PCDH15: variants seen among roughly 807,000 people sequenced by gnomAD.
PCDH15 encodes the protein protocadherin-15.
Under a neutral mutation model 178.5 loss-of-function variants are expected in PCDH15, and 129 were observed. That is an observed-to-expected ratio of 0.72 (90% CI 0.63 to 0.84). PCDH15 has a LOEUF of 0.84. PCDH15 is among the 40% of genes least tolerant of loss of function. The pLI is 0.00. For synonymous variants in PCDH15, 800 were observed against 732.0 expected (o/e 1.09, Z -1.50); for missense variants, 2,230 against 2,099.9 (o/e 1.06, Z -1.21).
intron 2 of PCDH15, among the ~76,000 whole-genome samples, chr10:54,644,312 A>T (rs2094070255): frequency 6.7e-6 from 1 of 149,142 alleles, no homozygotes; most frequent in Non-Finnish European, 1.5e-5. Flanking sequence ...CTGAAACCCA[A>T]ATGTCCTACA....
intron 26 of PCDH15, among the ~76,000 whole-genome samples, chr10:53,888,311 T>TATATATACGTATATATATGTACGTAC (rs1564690988): frequency 4.8e-5 from 2 of 41,828 alleles, no homozygotes; most frequent in African/African-American, 2.0e-4. Flanking sequence ...TATATATATG[T>TATATATACGTATATATATGTACGTAC]ATATATGTAC....
chr10:55,101,288 G>T (rs1463642275), intron 2 of PCDH15, among the ~76,000 whole-genome samples: 1 of 151,952 alleles, frequency 6.6e-6, no homozygotes, highest in Admixed American at 6.6e-5. Context: ...AGGCTGAAGT[G>T]GCAGAATCGC....
intron 25 of PCDH15, among the ~76,000 whole-genome samples, chr10:53,919,926 G>T (rs534975790): frequency 2.6e-4 from 39 of 152,128 alleles, no homozygotes; most frequent in East Asian, 1.7e-3. Flanking sequence ...GCTAGAATGG[G>T]GACAGGGAAA....
At chr10:55,163,127 C>A (rs1296804377) in intron 2 of PCDH15, among the ~76,000 whole-genome samples, 3 of 152,082 alleles carry the variant, frequency 2.0e-5, no homozygotes, top group Non-Finnish European at 4.4e-5. Flanking sequence ...CCTCTGCCTG[C>A]CAAACTGTCC....
At chr10:54,355,724 A>T (rs1033463419) in intron 5 of PCDH15, among the ~76,000 whole-genome samples, 2 of 152,100 alleles carry the variant, frequency 1.3e-5, no homozygotes, top group African/African-American at 4.8e-5. Flanking sequence ...GCATTTTAGG[A>T]AACTCTTCTT....
chr10:54,530,891 G>A (rs1245840822), intron 2 of PCDH15, among the ~76,000 whole-genome samples: 4 of 152,148 alleles, frequency 2.6e-5, no homozygotes, highest in African/African-American at 9.7e-5. Flanking sequence ...CAAAGTGTTT[G>A]TTTTTAAACG....
chr10:55,442,455 T>TTATATA (rs5785131), intron 2 of PCDH15, among the ~76,000 whole-genome samples: 1,245 of 121,096 alleles, frequency 0.01, 26 homozygotes, highest in East Asian at 0.031. Context: ...CTTAATTTGA[T>TTATATA]TATATATATA....
At chr10:55,311,868 A>G in intron 1 of PCDH15, among the ~76,000 whole-genome samples, 1 of 152,244 alleles carries the variant, frequency 6.6e-6, no homozygotes, top group East Asian at 1.9e-4. Context: ...GTTGTTTCTT[A>G]AAATTTTGAT....
chr10:54,408,911 A>G (rs2135588797), intron 3 of PCDH15, among the ~76,000 whole-genome samples: 1 of 152,236 alleles, frequency 6.6e-6, no homozygotes, highest in South Asian at 2.1e-4. Context: ...CCTAGGTGAT[A>G]TGGCTTGGCT....
rs377513495 is a variant in PCDH15 at position 54,169,896 on chromosome 10, C to T, written c.1590+13548G>A. ...GCCTTACAAGTTAGTTCAGAATCTG[C>T]GCCTTATCAACCAAATTGTTTTGCC... On this transcript the variant is annotated intron_variant, in intron 13 of 37. Coordinates refer to ENST00000644397, the MANE Select transcript of PCDH15 (RefSeq NM_001384140.1). 7.3e-5 allele frequency among the ~76,000 whole-genome samples: 11 copies of T among 151,212 alleles called. No individual in the cohort carries two copies. In the East Asian group the frequency reaches 1.4e-3, roughly 19 times the overall value.
At chr10:55,348,125 T>C (rs1844812492) in intron 2 of PCDH15, among the ~76,000 whole-genome samples, 1 of 152,146 alleles carries the variant, frequency 6.6e-6, no homozygotes, top group Non-Finnish European at 1.5e-5. Flanking sequence ...TAGTTATATA[T>C]CTGCCTCTGT....
intron 8 of PCDH15, among the ~76,000 whole-genome samples, chr10:54,254,159 A>T (rs1298211746): frequency 6.6e-6 from 1 of 152,264 alleles, no homozygotes; most frequent in East Asian, 1.9e-4. Flanking sequence ...AAATTGAATA[A>T]AGAATAATAA....
chr10:54,578,864 A>C (rs2090766096), intron 2 of PCDH15, among the ~76,000 whole-genome samples: 1 of 152,166 alleles, frequency 6.6e-6, no homozygotes, highest in Non-Finnish European at 1.5e-5. Context: ...CTCTAAAAGA[A>C]CTTAAACTAA....
chr10:55,084,588 G>A (rs10825460), intron 2 of PCDH15, among the ~76,000 whole-genome samples: 34,608 of 151,600 alleles, frequency 0.23, 4,456 homozygotes, highest in African/African-American at 0.33. Context: ...ACCACATTAA[G>A]TTAAAAAGCT....
At chr10:55,436,186 G>A (rs917552022) in intron 2 of PCDH15, among the ~76,000 whole-genome samples, 1 of 152,026 alleles carries the variant, frequency 6.6e-6, no homozygotes, top group African/African-American at 2.4e-5. Context: ...AGGGAGGACT[G>A]AGCCTTGCAA....
intron 2 of PCDH15, among the ~76,000 whole-genome samples, chr10:55,537,369 A>G (rs1406335247): frequency 2.0e-5 from 3 of 152,130 alleles, no homozygotes; most frequent in African/African-American, 7.2e-5. Flanking sequence ...CCAATACTGA[A>G]CACCTGCTAT....
intron 2 of PCDH15, among the ~76,000 whole-genome samples, chr10:54,993,620 G>A (rs1041491785): frequency 3.3e-5 from 5 of 151,846 alleles, no homozygotes; most frequent in African/African-American, 1.2e-4. Flanking sequence ...ATGAACTAGA[G>A]GTAAAAAAGT....
chr10:55,260,907 T>G (rs1411358038), intron 1 of PCDH15, among the ~76,000 whole-genome samples: 2 of 152,204 alleles, frequency 1.3e-5, no homozygotes, highest in East Asian at 3.8e-4. Flanking sequence ...AAATCCATAT[T>G]TGTACCTGAT....
chr10:54,295,104 T>G (rs2059664892), intron 8 of PCDH15, among the ~76,000 whole-genome samples: 1 of 152,194 alleles, frequency 6.6e-6, no homozygotes, highest in Admixed American at 6.5e-5. Flanking sequence ...CCAGTCATAT[T>G]GAATTAGAAT....
Sources: allele counts gnomAD v4.1 joint callset (sites outside exome capture counted in the v4.1 genomes callset), GRCh38; gene constraint gnomAD v4.1.1; transcripts MANE v1.5; gene names NCBI Gene and HGNC (gene_info 2026-07-23, HGNC 2026-07-21).